TTC6: variants seen among roughly 807,000 people sequenced by gnomAD.
TTC6 encodes tetratricopeptide repeat domain 6.
TTC6 carries 172 observed loss-of-function variants against 210.4 expected under a neutral mutation model. The observed-to-expected ratio is 0.82, with a 90% CI of 0.72 to 0.93. The LOEUF is 0.93. Ranked by LOEUF, TTC6 falls within the 40% of genes least tolerant of loss-of-function variation. The pLI, the probability that TTC6 is intolerant of heterozygous loss-of-function variation, is 0.00. For synonymous variants in TTC6, 804 were observed against 819.6 expected, an observed-to-expected ratio of 0.98 and a Z score of 0.32; for missense variants, 2,414 against 2,318.1, an observed-to-expected ratio of 1.04 and a Z score of -0.85.
At chr14:37,839,942 A>G (rs1952780) in intron 29 of TTC6, among the ~76,000 whole-genome samples, 132,970 of 152,066 alleles carry the variant, frequency 0.87, 58,939 homozygotes, top group Non-Finnish European at 0.95. Context: ...AGGTTTGTCA[A>G]AGATCAGATG....
chr14:37,658,449 G>T (rs2095729654), intron 1 of TTC6, among the ~76,000 whole-genome samples: 1 of 152,138 alleles, frequency 6.6e-6, no homozygotes, highest in Admixed American at 6.5e-5. Context: ...GGGGCCTGGT[G>T]TGGGCATTTT....
intron 6 of TTC6, among the ~76,000 whole-genome samples, chr14:37,722,653 G>A (rs578181619): frequency 6.6e-6 from 1 of 152,280 alleles, no homozygotes; most frequent in Non-Finnish European, 1.5e-5. Flanking sequence ...ATGTTTCTCT[G>A]ATTTGATTCG....
At chr14:37,715,657 A>G (rs2095851481) in intron 6 of TTC6, among the ~76,000 whole-genome samples, 1 of 152,214 alleles carries the variant, frequency 6.6e-6, no homozygotes, top group African/African-American at 2.4e-5. Flanking sequence ...TGGGTTTCTC[A>G]TGAGAAGTGA....
chr14:37,783,462 G>A (rs565506420), intron 14 of TTC6, among the ~76,000 whole-genome samples: 56 of 151,882 alleles, frequency 3.7e-4, no homozygotes, highest in African/African-American at 1.1e-3. Flanking sequence ...TATCTCTGTG[G>A]GATTGGTGGT....
chr14:37,598,998 T>G lies in TTC6; in HGVS notation c.-235+2990T>G, dbSNP rs954749569. 7.0e-6 allele frequency among the ~76,000 whole-genome samples: 1 copy of G among 143,330 alleles called. No homozygotes were observed. Among genetic ancestry groups the G allele is most frequent in the African/African-American group, 2.6e-5 (1 of 37,792 alleles). The allele number at this position is 143,330 out of a possible 152,430, so 94.0% of individuals were successfully genotyped here. On this transcript the variant is annotated intron_variant, in intron 1 of 2. Coordinates refer to the TTC6 transcript ENST00000556845. This position sits in a 1 kb window ranked among gnomAD's most constrained non-coding sequence, Gnocchi z 4.9. ...AGGGGAGAATCGGATGCAATGAAAC[T>G]AAGACCTGTGGTCGTTAACGCGGTT...
intron 1 of TTC6, among the ~76,000 whole-genome samples, chr14:37,663,696 A>T (rs917933986): frequency 6.6e-6 from 1 of 152,170 alleles, no homozygotes; most frequent in Non-Finnish European, 1.5e-5. Context: ...GAAAGTTAGT[A>T]TGAGGTTCAT....
At chr14:37,753,359 C>A in intron 14 of TTC6, 124 bp downstream of exon 16, 1 of 811,930 alleles carries the variant, frequency 1.2e-6, no homozygotes, top group South Asian at 2.3e-5. Context: ...TTTTCAGTGC[C>A]ACCAGTAAAT....
chr14:37,826,825 A>G (rs907075165), intron 28 of TTC6, among the ~76,000 whole-genome samples: 6 of 152,080 alleles, frequency 3.9e-5, no homozygotes, highest in African/African-American at 1.4e-4. Context: ...TTGAGATGAG[A>G]AAAAGGAAAG....
At position 37,812,314 on chromosome 14, in the gene TTC6, G is replaced by C. The variant is rs767991755; in HGVS notation, c.4570G>C (p.Ala1524Pro). ...CTATGTTACAAATGATTATTTTTAG[G>C]CATTAACAGATTATGGAATTGTGCT... The change falls in exon 25 of 31, where the codon GCA (alanine) becomes CCA (proline). Residue 1524 changes from alanine (A) to proline (P), a missense_variant and splice_region_variant. Physicochemically the swap from Ala to Pro is conservative, Grantham distance 27. Transcript: ENST00000553443. The C allele has an allele frequency of 2.4e-5, 39 of 1,609,892 alleles. No individual in the cohort carries two copies. The South Asian group carries it at 4.3e-4, about 18-fold the overall frequency.
At chr14:37,756,405 G>C (rs2095967871) in intron 14 of TTC6, among the ~76,000 whole-genome samples, 1 of 152,160 alleles carries the variant, frequency 6.6e-6, no homozygotes, top group African/African-American at 2.4e-5. Context: ...AGTGGTGAGA[G>C]AGGCATCCTT....
chr14:37,782,650 A>G (rs979422618), intron 14 of TTC6, among the ~76,000 whole-genome samples: 6 of 152,096 alleles, frequency 3.9e-5, no homozygotes, highest in African/African-American at 1.2e-4. Flanking sequence ...CCTGGCCAGA[A>G]CTTCCAACAC....
chr14:37,679,221 C>CA (rs959609695), intron 1 of TTC6, among the ~76,000 whole-genome samples: 18 of 146,138 alleles, frequency 1.2e-4, no homozygotes, highest in Admixed American at 6.1e-4. Flanking sequence ...GTCTCTGTTT[C>CA]AAAAAAAAAA....
chr14:37,778,122 G>A (rs1001064111), intron 14 of TTC6, among the ~76,000 whole-genome samples: 1 of 152,128 alleles, frequency 6.6e-6, no homozygotes, highest in Non-Finnish European at 1.5e-5. Context: ...GCGGTACAGT[G>A]GGGTGCATGC....
chr14:37,639,692 T>A, intron 1 of TTC6, among the ~76,000 whole-genome samples: 1 of 130,796 alleles, frequency 7.6e-6, no homozygotes, highest in South Asian at 2.4e-4. Context: ...GCAACATGGC[T>A]AAATTTGTCT....
chr14:37,822,504 G>T (rs928039872), intron 26 of TTC6, among the ~76,000 whole-genome samples: 2 of 152,190 alleles, frequency 1.3e-5, no homozygotes, highest in Non-Finnish European at 2.9e-5. Flanking sequence ...GAGAAGTAAT[G>T]AAGAGAATGG....
chr14:37,821,593 C>T (rs1236697628), intron 26 of TTC6, among the ~76,000 whole-genome samples: 1 of 151,848 alleles, frequency 6.6e-6, no homozygotes, highest in Non-Finnish European at 1.5e-5. Flanking sequence ...CCTGTTGCAC[C>T]ACATTTGGGA....
chr14:37,831,866 A>T (rs932648666), intron 29 of TTC6, among the ~76,000 whole-genome samples: 8 of 152,016 alleles, frequency 5.3e-5, no homozygotes, highest in African/African-American at 1.7e-4. Flanking sequence ...CAAATACTTT[A>T]TCCTATTCTG....
exon 6 of TTC6, chr14:37,714,732 C>G: frequency 2.6e-6 from 4 of 1,535,726 alleles, no homozygotes; most frequent in Non-Finnish European, 3.5e-6. Flanking sequence ...GGGATACCAC[C>G]TGAATTGGCA....
At chr14:37,841,518 C>A in exon 30 of TTC6, 1 of 1,600,728 alleles carries the variant, frequency 6.2e-7, no homozygotes, top group Non-Finnish European at 8.5e-7. Flanking sequence ...CGAGCTATTA[C>A]AAATACAATA....
Sources: allele counts gnomAD v4.1 joint callset (sites outside exome capture counted in the v4.1 genomes callset), GRCh38; gene constraint gnomAD v4.1.1; non-coding constraint Gnocchi (gnomAD v3.1); transcripts MANE v1.5; gene names NCBI Gene and HGNC (gene_info 2026-07-23, HGNC 2026-07-21).